Variants in IQSEC1 observed in about 807,000 individuals in gnomAD.
The protein encoded by IQSEC1 is IQ motif and Sec7 domain ArfGEF 1.
Under a neutral mutation model 91.0 loss-of-function variants are expected in IQSEC1, and 31 were observed. The observed-to-expected ratio is 0.34, with a 90% CI of 0.26 to 0.46. The LOEUF (loss-of-function observed/expected upper bound fraction) is 0.46, where lower values mean the gene tolerates loss of function less well. Ranked by LOEUF, IQSEC1 falls within the 20% of genes least tolerant of loss-of-function variation. The probability of loss-of-function intolerance (pLI) is 1.00; values close to 1 mark genes in which losing one functional copy is unlikely to be tolerated. For synonymous variants in IQSEC1, 699 were observed against 662.6 expected (o/e 1.05, Z -0.84); for missense variants, 1,388 against 1,575.6 (o/e 0.88, Z 2.02).
intron 1 of IQSEC1, chr3:13,021,975 A>C: frequency 8.7e-7 from 1 of 1,152,330 alleles, no homozygotes; most frequent in African/African-American, 1.6e-5. Flanking sequence ...CAGCCATGCA[A>C]ACCATCCGGC....
At position 13,145,391 on chromosome 3, in the gene IQSEC1, C is replaced by T. The variant is rs111538145; in HGVS notation, c.302+18713G>A. Among the ~76,000 whole-genome samples the T allele has an allele frequency of 3.2e-3, 490 of 152,300 alleles. 1 individual carries two copies. The highest frequency in any genetic ancestry group is 5.3e-3 in the Non-Finnish European group (362 of 68,034). On this transcript the variant is annotated intron_variant, in intron 2 of 15. Coordinates refer to the IQSEC1 transcript ENST00000648114. Reference sequence around the variant, plus strand: ...CTCCCTCATGATCACAGTGTGGCTGCCCCACTCCAACCATCACATCTGCAG... The same window carrying T: ...CTCCCTCATGATCACAGTGTGGCTGTCCCACTCCAACCATCACATCTGCAG...
intron 1 of IQSEC1, among the ~76,000 whole-genome samples, chr3:12,993,580 C>T (rs1291472079): frequency 6.6e-6 from 1 of 152,240 alleles, no homozygotes. Flanking sequence ...GGGGAGGCAA[C>T]CAACTGCACT....
intron 1 of IQSEC1, among the ~76,000 whole-genome samples, chr3:12,997,985 G>A (rs942410694): frequency 4.6e-5 from 7 of 152,140 alleles, no homozygotes; most frequent in African/African-American, 1.4e-4. Flanking sequence ...CACCAGTGAG[G>A]GATTTGTTAA....
intron 1 of IQSEC1, among the ~76,000 whole-genome samples, chr3:13,205,177 C>T (rs769714590): frequency 2.0e-5 from 3 of 152,074 alleles, no homozygotes; most frequent in Admixed American, 6.5e-5. Flanking sequence ...AACTGCCCAG[C>T]GCACATCTCC....
chr3:13,240,911 C>T (rs1429753618), intron 1 of IQSEC1, among the ~76,000 whole-genome samples: 1 of 152,210 alleles, frequency 6.6e-6, no homozygotes, highest in African/African-American at 2.4e-5. Flanking sequence ...GGACTACAGT[C>T]ATTTGTTAAC....
At chr3:13,048,834 C>A (rs1431681499) in intron 1 of IQSEC1, among the ~76,000 whole-genome samples, 1 of 152,232 alleles carries the variant, frequency 6.6e-6, no homozygotes, top group East Asian at 1.9e-4. Context: ...CAGCACAATG[C>A]CTCCTTCTTC....
At chr3:13,226,071 G>A (rs1694748997) in intron 1 of IQSEC1, among the ~76,000 whole-genome samples, 1 of 152,118 alleles carries the variant, frequency 6.6e-6, no homozygotes, top group Non-Finnish European at 1.5e-5. Context: ...TAGAGACAGG[G>A]TTTCACCATG....
intron 1 of IQSEC1, among the ~76,000 whole-genome samples, chr3:12,964,323 CACAT>C (rs146113256): frequency 0.011 from 1,568 of 146,546 alleles, 21 homozygotes; most frequent in South Asian, 0.089. Context: ...CACACACACA[CACAT>C]GCTTCCATGG....
intron 2 of IQSEC1, among the ~76,000 whole-genome samples, chr3:13,106,232 C>G (rs978505171): frequency 9.9e-5 from 15 of 152,126 alleles, no homozygotes; most frequent in African/African-American, 3.1e-4. Context: ...CTCCAGGAAG[C>G]CTCCCCGTTT....
At chr3:13,182,514 G>A (rs1693862394) in intron 1 of IQSEC1, among the ~76,000 whole-genome samples, 1 of 152,202 alleles carries the variant, frequency 6.6e-6, no homozygotes, top group Non-Finnish European at 1.5e-5. Flanking sequence ...GGTGGCAATG[G>A]ATAGATGAGT....
At chr3:12,920,656 T>A in intron 5 of IQSEC1, 60 bp from the exon 6 acceptor site, 1 of 1,548,616 alleles carries the variant, frequency 6.5e-7, no homozygotes. Flanking sequence ...GGCCCCTCTC[T>A]CACCCGCTGA....
intron 1 of IQSEC1, among the ~76,000 whole-genome samples, chr3:12,961,806 CACA>C (rs1050395719): frequency 6.6e-6 from 1 of 152,210 alleles, no homozygotes; most frequent in African/African-American, 2.4e-5. Flanking sequence ...ATTTAATCCT[CACA>C]ACAACTCCAT....
At chr3:13,011,593 G>A (rs1383453618) in intron 1 of IQSEC1, among the ~76,000 whole-genome samples, 1 of 152,164 alleles carries the variant, frequency 6.6e-6, no homozygotes, top group African/African-American at 2.4e-5. Flanking sequence ...ATACACTGGG[G>A]CCAGCTTCGA....
Position 12,936,379 on chromosome 3 carries a change from C to A in IQSEC1, c.637G>T (p.Ala213Ser), listed in dbSNP as rs1698201200. 3 of 1,597,264 alleles carry A rather than the reference C, an allele frequency of 1.9e-6. No homozygotes were observed. Among genetic ancestry groups the A allele is most frequent in the Non-Finnish European group, 2.6e-6 (3 of 1,169,374 alleles). ...LSEPTTLKSP[A>S]PSSDFADAIT... is the part of the protein sequence containing the mutation. The stretch of plus-strand genomic sequence containing the variant: ...GCGTCCGCAAAGTCACTGGAGGGGG[C>A]CGGAGACTTGAGGGTGGTGGGCTCG... Residue 213 changes from alanine (A) to serine (S), a missense_variant, in exon 3 of 14, where the codon GCC (alanine) becomes TCC (serine). Ala to Ser is a moderately conservative substitution (Grantham distance 99). Transcript: ENST00000613206.
chr3:13,267,306 C>G (rs964422246), intron 1 of IQSEC1, among the ~76,000 whole-genome samples: 4 of 152,208 alleles, frequency 2.6e-5, no homozygotes, highest in Non-Finnish European at 4.4e-5. Context: ...AAATAAATGT[C>G]TATTGTTTAT....
rs142155136 is a variant in IQSEC1 at position 13,082,974 on chromosome 3, C to T, written c.303-35452G>A. On this transcript the variant is annotated intron_variant, in intron 2 of 15. Coordinates refer to the IQSEC1 transcript ENST00000648114. ...TGGCTCCTTCTTGTGGCTCCAGGCA[C>T]GGCAGAGTGTCTATTCCTGCCCCGC... is the stretch of plus-strand genomic sequence containing the variant. Among the ~76,000 whole-genome samples the T allele has an allele frequency of 8.7e-4, 132 of 152,298 alleles. 2 individuals are homozygous for T. The highest frequency in any genetic ancestry group is 2.7e-3 in the African/African-American group (112 of 41,572).
Position 12,900,821 on chromosome 3 carries a change from A to C in IQSEC1, c.*162T>G. On this transcript the variant is annotated 3_prime_UTR_variant, in exon 14 of 14. Transcript: ENST00000613206. Reference sequence around the variant, plus strand: ...AATCTGGGCCTTTGTTCCACACAACACCAGCCCTGTGGGCTCCTGGGGCTC... The same window carrying C: ...AATCTGGGCCTTTGTTCCACACAACCCCAGCCCTGTGGGCTCCTGGGGCTC... The C allele has an allele frequency of 6.7e-7, 1 of 1,498,142 alleles. No individual in the cohort carries two copies. The highest frequency in any genetic ancestry group is 8.9e-7 in the Non-Finnish European group (1 of 1,129,032). The allele number at this position is 1,498,142 out of a possible 1,614,324, so 92.8% of individuals were successfully genotyped here.
In IQSEC1 at chr3:12,915,593, C is replaced by A. The variant is rs1696005574; in HGVS notation, c.2160+1G>T. On this transcript the variant is annotated splice_donor_variant, in intron 7 of 13. Coordinates refer to ENST00000613206, the MANE Select transcript of IQSEC1 (RefSeq NM_001134382.3). LOFTEE classifies it high-confidence loss of function. ...ACCACGTACCAGGGCCCATCACATA[C>A]CGGCTTTTTCCCCACAATGAGCTTC... 6.2e-7 allele frequency: 1 copy of A among 1,613,890 alleles called. No homozygotes were observed. The highest frequency in any genetic ancestry group is 1.7e-5 in the Admixed American group (1 of 60,008).
intron 1 of IQSEC1, among the ~76,000 whole-genome samples, chr3:13,003,851 G>A (rs1702526813): frequency 2.0e-5 from 3 of 152,188 alleles, no homozygotes; most frequent in Admixed American, 6.5e-5. Context: ...TAGTAATTAT[G>A]TACTGGAGCA....
Sources: allele counts gnomAD v4.1 joint callset (sites outside exome capture counted in the v4.1 genomes callset), GRCh38; gene constraint gnomAD v4.1.1; transcripts MANE v1.5; gene names NCBI Gene and HGNC (gene_info 2026-07-23, HGNC 2026-07-21).